Variants in STX18 observed in about 807,000 individuals in gnomAD.
STX18 encodes syntaxin-18.
A neutral mutation model predicts 50.1 loss-of-function variants in STX18; 40 were observed. That is an observed-to-expected ratio of 0.80 (90% CI 0.62 to 1.04). The LOEUF (loss-of-function observed/expected upper bound fraction) is 1.04, where lower values mean the gene tolerates loss of function less well. Ranked by LOEUF, STX18 falls within the 50% of genes least tolerant of loss-of-function variation. STX18 has a pLI of 0.00. For synonymous variants in STX18, 158 were observed against 151.8 expected (o/e 1.04, Z -0.30); for missense variants, 410 against 415.8 (o/e 0.99, Z 0.12).
rs1473783478 is a variant in STX18 at position 4,491,358 on chromosome 4, A to G, written c.169-19652T>C. On this transcript the variant is annotated intron_variant, in intron 1 of 10. Transcript: ENST00000306200. ...AGGATATTTTACTATATAAGGCTCA[A>G]TTAAAGTTTTAGTAAATAAAAATAA... Among the ~76,000 whole-genome samples, 5 of 152,286 alleles carry G rather than the reference A, an allele frequency of 3.3e-5. No individual in the cohort carries two copies. In the South Asian group the frequency reaches 1.0e-3, roughly 32 times the overall value.
chr4:4,426,680 A>G (rs1725256308), intron 7 of STX18: 1 of 152,446 alleles, frequency 6.6e-6, no homozygotes, highest in South Asian at 2.1e-4. Context: ...GCCCCCGCAC[A>G]TGCACTTGCT....
In STX18 at chr4:4,434,904, G is replaced by C. The variant is rs748851517; in HGVS notation, c.614-46C>G. ...AATAGAAGACCAAATATGTGTTTTAGAATAGGCTGGCTTAGGATGTAGTCA... is the reference window on the plus strand; with the variant it reads ...AATAGAAGACCAAATATGTGTTTTACAATAGGCTGGCTTAGGATGTAGTCA... On this transcript the variant is annotated intron_variant, in intron 6 of 10. Transcript: ENST00000306200. The C allele has an allele frequency of 2.3e-5, 32 of 1,377,344 alleles. No homozygotes were observed. The African/African-American group carries it at 4.4e-4, about 19-fold the overall frequency. 85.3% of individuals were successfully genotyped at this position (1,377,344 alleles called of 1,614,324 possible).
intron 1 of STX18, among the ~76,000 whole-genome samples, chr4:4,498,416 A>G (rs893255736): frequency 3.9e-5 from 6 of 152,196 alleles, no homozygotes; most frequent in Admixed American, 1.3e-4. Flanking sequence ...TTAAAACACT[A>G]AATTAGAACA....
intron 1 of STX18, among the ~76,000 whole-genome samples, chr4:4,519,545 T>C (rs1730423501): frequency 6.6e-6 from 1 of 152,186 alleles, no homozygotes; most frequent in South Asian, 2.1e-4. Context: ...AGAATTAACA[T>C]GCTGCGAAAA....
chr4:4,519,725 T>C (rs550345545), intron 1 of STX18, among the ~76,000 whole-genome samples: 2 of 152,348 alleles, frequency 1.3e-5, no homozygotes, highest in South Asian at 2.1e-4. Flanking sequence ...GAAAACTTTC[T>C]ACTTTCTGTT....
chr4:4,452,154 C>A lies in STX18; in HGVS notation c.497+5037G>T, dbSNP rs79867973. On this transcript the variant is annotated intron_variant, in intron 5 of 10. Coordinates refer to ENST00000306200, the MANE Select transcript of STX18 (RefSeq NM_016930.4). ...TTCAGCGCAAGGCCCTAACTCTCTT[C>A]GATTCTGTGAAGGCTAAGAAAGGTG... Among the ~76,000 whole-genome samples the A allele has an allele frequency of 6.2e-3, 941 of 152,222 alleles. 7 individuals are homozygous for A. The highest frequency in any genetic ancestry group is 0.021 in the African/African-American group (874 of 41,520).
At chr4:4,457,111 G>T in intron 5 of STX18, 80 bp downstream of exon 5, 2 of 1,313,570 alleles carry the variant, frequency 1.5e-6, no homozygotes, top group East Asian at 2.4e-5. Flanking sequence ...ATTGCATAGG[G>T]TAAGTGCTCT....
chr4:4,511,763 T>TGC (rs1560202497), intron 1 of STX18, among the ~76,000 whole-genome samples: 1 of 136,064 alleles, frequency 7.3e-6, no homozygotes. Flanking sequence ...TGTGTGTGTA[T>TGC]GCCCCTAGGT....
At chr4:4,447,043 A>G (rs1038927651) in intron 5 of STX18, among the ~76,000 whole-genome samples, 1 of 152,248 alleles carries the variant, frequency 6.6e-6, no homozygotes, top group East Asian at 1.9e-4. Context: ...AGAGAAACCT[A>G]TTTAAAGATA....
chr4:4,419,797 A>G lies in STX18; in HGVS notation c.*237T>C. ...CAGTCTGTCTTGCCTGATGAGGGCT[A>G]CGCAGGCTGCCTCCCATTGGTGTGC... On this transcript the variant is annotated 3_prime_UTR_variant, in exon 11 of 11. Coordinates refer to ENST00000306200, the MANE Select transcript of STX18 (RefSeq NM_016930.4). 1 of 459,670 alleles carries G rather than the reference A, an allele frequency of 2.2e-6. No individual in the cohort carries two copies. Among genetic ancestry groups the G allele is most frequent in the Non-Finnish European group, 4.0e-6 (1 of 251,170 alleles). 28.5% of individuals were successfully genotyped at this position (459,670 alleles called of 1,614,324 possible). A position where few individuals can be genotyped will look rare whatever the true frequency, so the allele number is the denominator to read the frequency against.
At position 4,471,647 on chromosome 4, in the gene STX18, A is replaced by C. The variant is rs528592425; in HGVS notation, c.228T>G (p.Asn76Lys). Residue 76 changes from asparagine (N) to lysine (K), a missense_variant, in exon 2 of 11, where the codon AAT (asparagine) becomes AAG (lysine). Transcript: ENST00000306200. Reference protein sequence around the residue: ...FLLEHRKDYINAYSHTMSEYG... With the variant: ...FLLEHRKDYIKAYSHTMSEYG... The stretch of plus-strand genomic sequence containing the variant: ...AAAAAATATGTACTTACCTATAAGC[A>C]TTAATATAATCTTTCCTGTGTTCCA... The C allele has an allele frequency of 6.4e-7, 1 of 1,573,600 alleles. No individual in the cohort carries two copies. Among genetic ancestry groups the C allele is most frequent in the South Asian group, 1.2e-5 (1 of 83,654 alleles).
At chr4:4,432,019 T>C (rs762012725) in intron 7 of STX18, among the ~76,000 whole-genome samples, 5 of 152,196 alleles carry the variant, frequency 3.3e-5, no homozygotes, top group Non-Finnish European at 7.3e-5. Flanking sequence ...TTCTGGAACA[T>C]GAAAGAAGCT....
At chr4:4,424,055 AT>A (rs1226045044) in intron 8 of STX18, among the ~76,000 whole-genome samples, 2 of 152,234 alleles carry the variant, frequency 1.3e-5, no homozygotes, top group African/African-American at 4.8e-5. Flanking sequence ...AAAAAAGTGT[AT>A]TTACCTTCAA....
chr4:4,531,689 A>G (rs1731103886), intron 1 of STX18, among the ~76,000 whole-genome samples: 1 of 152,186 alleles, frequency 6.6e-6, no homozygotes, highest in African/African-American at 2.4e-5. Context: ...ATCTGCTCCC[A>G]GGTCAAAGCT....
chr4:4,496,706 T>A (rs1299353968), intron 1 of STX18, among the ~76,000 whole-genome samples: 1 of 152,220 alleles, frequency 6.6e-6, no homozygotes, highest in East Asian at 1.9e-4. Context: ...AAGGTTGACA[T>A]CTTCTCTCTA....
At chr4:4,474,380 T>C (rs140719637) in intron 1 of STX18, among the ~76,000 whole-genome samples, 3 of 152,204 alleles carry the variant, frequency 2.0e-5, no homozygotes, top group Non-Finnish European at 4.4e-5. Flanking sequence ...TTACTAAATA[T>C]TGAATAAATA....
intron 1 of STX18, among the ~76,000 whole-genome samples, chr4:4,522,011 T>C (rs960049328): frequency 2.0e-5 from 3 of 152,202 alleles, no homozygotes; most frequent in African/African-American, 7.2e-5. Context: ...AAACAATATC[T>C]ACTGTACAGG....
intron 6 of STX18, among the ~76,000 whole-genome samples, chr4:4,435,632 A>C (rs1419704574): frequency 6.6e-6 from 1 of 152,224 alleles, no homozygotes; most frequent in Non-Finnish European, 1.5e-5. Flanking sequence ...CTACGCTGAC[A>C]GACCTCAGTG....
At chr4:4,529,565 T>G (rs1730993679) in intron 1 of STX18, among the ~76,000 whole-genome samples, 1 of 151,880 alleles carries the variant, frequency 6.6e-6, no homozygotes. Context: ...GAATGCCAAG[T>G]GGAGCACAGT....
Sources: gnomAD v4.1 joint callset for allele counts (sites outside exome capture counted in the v4.1 genomes callset) on GRCh38, gnomAD v4.1.1 for gene constraint, MANE v1.5 for transcripts, NCBI Gene and HGNC (gene_info 2026-07-23, HGNC 2026-07-21) for gene names.